Variants in CEP43 observed in about 807,000 individuals in gnomAD.
CEP43 encodes the protein centrosomal protein 43.
Under a neutral mutation model 52.6 loss-of-function variants are expected in CEP43, and 36 were observed. The ratio of observed to expected loss-of-function variants is 0.68; its 90% CI spans 0.52 to 0.90. The LOEUF is 0.90. Ranked by LOEUF, CEP43 falls within the 40% of genes least tolerant of loss-of-function variation. The pLI, the probability that CEP43 is intolerant of heterozygous loss-of-function variation, is 0.00. For missense variants in CEP43, 506 were observed against 472.8 expected (o/e 1.07, Z -0.65); for synonymous variants, 192 against 172.4 (o/e 1.11, Z -0.89).
chr6:167,030,904 C>G (rs1196427082), intron 10 of CEP43, among the ~76,000 whole-genome samples: 5 of 147,956 alleles, frequency 3.4e-5, no homozygotes, highest in South Asian at 2.2e-4. Context: ...AGGCTAAGAT[C>G]CTTATTGCAA....
rs1166441327 is a variant in CEP43, at chr6:167,049,397, T to A, written c.*9419T>A. 6.6e-6 allele frequency: 1 copy of A among 152,286 alleles called. No individual in the cohort carries two copies. The highest frequency in any genetic ancestry group is 2.1e-4 in the South Asian group (1 of 4,838). The allele number at this position is 152,286 out of a possible 1,614,324, so 9.4% of individuals were successfully genotyped here. ...CCGCCATTCCTCTCAGCTCCCTGTC[T>A]GGCAACCACTTCCTGTCTCTTCAGA... On this transcript the variant is annotated 3_prime_UTR_variant, in exon 13 of 13. Coordinates refer to ENST00000366847, the MANE Select transcript of CEP43 (RefSeq NM_007045.4).
In CEP43 at chr6:167,013,655, G is replaced by T. The variant is rs1267444498; in HGVS notation, c.579+88G>T. 7 of 1,048,370 alleles carry T rather than the reference G, an allele frequency of 6.7e-6. No homozygotes were observed. In the East Asian group the frequency reaches 9.6e-5, roughly 14 times the overall value. The allele number at this position is 1,048,370 out of a possible 1,614,324, so 64.9% of individuals were successfully genotyped here. A position where few individuals can be genotyped will look rare whatever the true frequency, so the allele number is the denominator to read the frequency against. On this transcript the variant is annotated intron_variant, in intron 7 of 12. Transcript: ENST00000366847. ...CTCCTGGAGCGCTGGGCTCCTGTCA[G>T]ATTGGGTTCTCAGTTTTCTTATGAA...
chr6:167,026,697 T>C (rs1168551721), intron 10 of CEP43, 82 bp downstream of exon 10: 1 of 820,644 alleles, frequency 1.2e-6, no homozygotes, highest in Non-Finnish European at 2.1e-6. Context: ...TGACTCCGTC[T>C]GCCTACGCTG....
chr6:167,009,665 CAA>C (rs562641835), intron 5 of CEP43, among the ~76,000 whole-genome samples: 25 of 66,628 alleles, frequency 3.8e-4, no homozygotes, highest in South Asian at 9.8e-4. Context: ...AACTCCGTCT[CAA>C]AAAAAAAAAA....
rs751340460 is a variant in CEP43, at chr6:167,040,129, T to G, written c.*151T>G. 2 of 1,555,790 alleles carry G rather than the reference T, an allele frequency of 1.3e-6. No individual in the cohort carries two copies. The highest frequency in any genetic ancestry group is 2.7e-5 in the African/African-American group (2 of 73,274). ...TGCAGATATTTTTTAAAAGTAATTT[T>G]CATTTTACTAAACAAAATACTTCCT... is the stretch of plus-strand genomic sequence containing the variant. On this transcript the variant is annotated 3_prime_UTR_variant, in exon 13 of 13. Coordinates refer to ENST00000366847, the MANE Select transcript of CEP43 (RefSeq NM_007045.4).
In CEP43 at chr6:167,022,106, A is replaced by G. The variant is rs546620590; in HGVS notation, c.580-303A>G. Among the ~76,000 whole-genome samples the G allele has an allele frequency of 2.7e-3, 415 of 152,336 alleles. 7 individuals carry two copies. Among genetic ancestry groups the G allele is most frequent in the Non-Finnish European group, 4.7e-3 (320 of 68,040 alleles). On this transcript the variant is annotated intron_variant, in intron 7 of 12. Coordinates refer to ENST00000366847, the MANE Select transcript of CEP43 (RefSeq NM_007045.4). ...TTTATAAATGGGATAGGTATACTAA[A>G]GGTATTTCCATTTAGGGAAAGAGGA...
At chr6:167,026,448 A>G (rs1288818084) in intron 9 of CEP43, 99 bp from the exon 10 acceptor site, 6 of 749,278 alleles carry the variant, frequency 8.0e-6, no homozygotes, top group Non-Finnish European at 1.2e-5. Context: ...TGCTCCTGTC[A>G]TAAAGAAGCC....
At position 167,013,567 on chromosome 6, in the gene CEP43, G is replaced by T. The variant is rs1310822066; in HGVS notation, c.579G>T (p.Lys193Asn). The T allele has an allele frequency of 3.7e-6, 6 of 1,613,476 alleles. No individual in the cohort carries two copies. In the African/African-American group the frequency reaches 5.3e-5, roughly 14 times the overall value. Reference protein sequence around the residue: ...KKTSGQKAGDKKANDEANQSD... With the variant: ...KKTSGQKAGDNKANDEANQSD... ...CAAGCGGGCAGAAGGCTGGTGACAA[G>T]GTAACATGCATGAGGGCAGAGGAGA... The change falls in exon 7 of 13, where the codon AAG becomes AAT. Residue 193 changes from lysine (K) to asparagine (N), a missense_variant and splice_region_variant. Physicochemically the swap from Lys to Asn is moderately conservative, Grantham distance 94. Transcript: ENST00000366847.
At chr6:167,030,105 AG>A (rs1780435302) in intron 10 of CEP43, among the ~76,000 whole-genome samples, 2 of 152,256 alleles carry the variant, frequency 1.3e-5, no homozygotes, top group Non-Finnish European at 2.9e-5. Flanking sequence ...GTACACGTGC[AG>A]GACACTGGGG....
intron 10 of CEP43, among the ~76,000 whole-genome samples, 165 bp downstream of exon 10, chr6:167,026,780 G>A (rs751310231): frequency 7.9e-5 from 12 of 152,202 alleles, no homozygotes; most frequent in Non-Finnish European, 1.5e-4. Context: ...CACGCTATGC[G>A]AGAGATGGCT....
chr6:167,020,143 A>G (rs762915446), intron 7 of CEP43, among the ~76,000 whole-genome samples: 3 of 152,270 alleles, frequency 2.0e-5, no homozygotes, highest in Non-Finnish European at 4.4e-5. Context: ...TAATACCAGG[A>G]AAATGTCAAG....
At chr6:167,013,430 C>CT in intron 6 of CEP43, 78 bp from the exon 7 acceptor site, 5 of 1,203,380 alleles carry the variant, frequency 4.2e-6, no homozygotes, top group Non-Finnish European at 6.0e-6. Context: ...CAGTAGGTAT[C>CT]TTTGTTTGGT....
intron 7 of CEP43, among the ~76,000 whole-genome samples, chr6:167,020,196 A>G (rs1780193180): frequency 6.6e-6 from 1 of 152,252 alleles, no homozygotes; most frequent in Non-Finnish European, 1.5e-5. Flanking sequence ...CCCTTTGAAA[A>G]TATGTTGTCT....
At chr6:166,999,588 C>A in intron 1 of CEP43, 74 bp downstream of exon 1, 2 of 1,126,112 alleles carry the variant, frequency 1.8e-6, no homozygotes, top group Non-Finnish European at 2.4e-6. Context: ...ACAACGGTCG[C>A]GGCGAGGAGG....
chr6:167,012,668 A>T (rs981718574), intron 6 of CEP43, among the ~76,000 whole-genome samples: 1 of 152,202 alleles, frequency 6.6e-6, no homozygotes, highest in Admixed American at 6.5e-5. Flanking sequence ...AAAATATTAA[A>T]GTCTATTTTA....
chr6:167,026,831 T>G (rs1583286370), intron 10 of CEP43, among the ~76,000 whole-genome samples: 1 of 152,224 alleles, frequency 6.6e-6, no homozygotes, highest in South Asian at 2.1e-4. Context: ...TCTGTCTTCA[T>G]GGAGTTTAAA....
At chr6:167,018,461 G>A (rs9459841) in intron 7 of CEP43, among the ~76,000 whole-genome samples, 60,671 of 151,826 alleles carry the variant, frequency 0.4, 12,448 homozygotes, top group Non-Finnish European at 0.46. Context: ...GGCGATTACA[G>A]CTCACTGCAA....
At chr6:167,007,254 T>A (rs974446059) in intron 5 of CEP43, among the ~76,000 whole-genome samples, 62 of 152,192 alleles carry the variant, frequency 4.1e-4, no homozygotes, top group Non-Finnish European at 1.9e-4. Flanking sequence ...GTAGTGGGTG[T>A]GATGTGAAAA....
In CEP43 at chr6:166,999,455, G is replaced by C. The variant is rs1583262414; in HGVS notation, c.43G>C (p.Glu15Gln). Residue 15 changes from glutamate (E) to glutamine (Q), a missense_variant, in exon 1 of 13, where the codon GAG becomes CAG. Glu to Gln is a conservative substitution (Grantham distance 29). Transcript: ENST00000366847. ...AAAVVAEEDT[E>Q]LRDLLVQTLE... ...CGCAGTGGTGGCCGAGGAGGACACGGAGCTGCGGGACCTGCTGGTGCAGAC... is the reference window on the plus strand; with the variant it reads ...CGCAGTGGTGGCCGAGGAGGACACGCAGCTGCGGGACCTGCTGGTGCAGAC... The C allele has an allele frequency of 6.7e-7, 1 of 1,484,924 alleles. No homozygotes were observed. 92.0% of individuals were successfully genotyped at this position (1,484,924 alleles called of 1,614,324 possible).
Sources: allele counts gnomAD v4.1 joint callset (sites outside exome capture counted in the v4.1 genomes callset), GRCh38; gene constraint gnomAD v4.1.1; transcripts MANE v1.5; gene names NCBI Gene and HGNC (gene_info 2026-07-23, HGNC 2026-07-21).